The following HIRA variants were observed in gnomAD, a reference collection of about 807,000 sequenced individuals.
HIRA encodes the protein histone cell cycle regulator.
In HIRA, 13 loss-of-function variants were observed where a neutral mutation model predicts 126.6. The observed-to-expected ratio is 0.10, with a 90% CI of 0.07 to 0.16. The LOEUF (loss-of-function observed/expected upper bound fraction) is 0.16, where lower values mean the gene tolerates loss of function less well. Ranked by LOEUF, HIRA falls within the 10% of genes least tolerant of loss-of-function variation. The pLI is 1.00. For missense variants in HIRA, 834 were observed against 1,314.4 expected, an observed-to-expected ratio of 0.63 and a Z score of 5.65; for synonymous variants, 511 against 520.0, an observed-to-expected ratio of 0.98 and a Z score of 0.24.
At chr22:19,389,515 G>C (rs1270717773) in intron 9 of HIRA, among the ~76,000 whole-genome samples, 1 of 152,178 alleles carries the variant, frequency 6.6e-6, no homozygotes, top group African/African-American at 2.4e-5. Context: ...CTGCTATGTG[G>C]GGAAGGAGAA....
intron 24 of HIRA, among the ~76,000 whole-genome samples, chr22:19,339,596 AC>A (rs545992086): frequency 3.6e-4 from 54 of 151,630 alleles, no homozygotes; most frequent in Non-Finnish European, 6.0e-4. Flanking sequence ...GAGATGCACC[AC>A]TGCACTCCAG....
At chr22:19,402,585 G>C (rs753119288) in intron 5 of HIRA, among the ~76,000 whole-genome samples, 1 of 152,136 alleles carries the variant, frequency 6.6e-6, no homozygotes, top group Non-Finnish European at 1.5e-5. Flanking sequence ...TGTTCCAAGA[G>C]CTTTATCCCC....
At chr22:19,402,631 C>T (rs1168163695) in intron 5 of HIRA, among the ~76,000 whole-genome samples, 1 of 152,200 alleles carries the variant, frequency 6.6e-6, no homozygotes, top group East Asian at 1.9e-4. Flanking sequence ...ATGTCACCTT[C>T]ATTTCCTTTT....
intron 1 of HIRA, among the ~76,000 whole-genome samples, chr22:19,412,827 T>C (rs1043392206): frequency 2.1e-4 from 32 of 152,196 alleles, no homozygotes; most frequent in Non-Finnish European, 4.0e-4. Flanking sequence ...AGTCTCTGTT[T>C]GCAGATTTCT....
At chr22:19,402,554 A>T (rs547299685) in intron 5 of HIRA, among the ~76,000 whole-genome samples, 1 of 152,356 alleles carries the variant, frequency 6.6e-6, no homozygotes, top group African/African-American at 2.4e-5. Context: ...ATTAGTTCTA[A>T]GTATTTTTCA....
At chr22:19,384,874 G>T (rs1271795471) in intron 12 of HIRA, among the ~76,000 whole-genome samples, 2 of 151,578 alleles carry the variant, frequency 1.3e-5, no homozygotes, top group Non-Finnish European at 2.9e-5. Context: ...AGGCTGGTCG[G>T]AACTCCTGAC....
At chr22:19,353,554 G>A in intron 22 of HIRA, 35 bp from the exon 23 acceptor site, 9 of 1,563,160 alleles carry the variant, frequency 5.8e-6, no homozygotes, top group Non-Finnish European at 7.8e-6. Flanking sequence ...TGATGGGGCA[G>A]CAGGCACTAC....
chr22:19,405,817 C>G lies in HIRA; in HGVS notation c.366G>C (p.Arg122=). 2.7e-6 allele frequency: 4 copies of G among 1,499,936 alleles called. No homozygotes were observed. The highest frequency in any genetic ancestry group is 3.6e-6 in the Non-Finnish European group (4 of 1,117,786). 92.9% of individuals were successfully genotyped at this position (1,499,936 alleles called of 1,614,324 possible). The change falls in exon 5 of 25, where the codon CGG becomes CGC. Residue 122 remains arginine, a synonymous_variant. Transcript: ENST00000263208. ...AATGATTCCGGAGGATAGAGACACA[C>G]CGCCACTGCTCCACATTGGCAAGCT... The part of the protein sequence containing the change: ...SGKLANVEQW[R]CVSILRNHSG...
At chr22:19,386,709 G>A (rs1048830172) in intron 11 of HIRA, among the ~76,000 whole-genome samples, 2 of 152,206 alleles carry the variant, frequency 1.3e-5, no homozygotes, top group African/African-American at 4.8e-5. Context: ...CTTGGGAAAT[G>A]GTAAGCAGAT....
intron 24 of HIRA, among the ~76,000 whole-genome samples, chr22:19,344,574 C>T (rs533014715): frequency 6.6e-6 from 1 of 152,306 alleles, no homozygotes; most frequent in East Asian, 1.9e-4. Flanking sequence ...TTCTACCAAA[C>T]ACTTAGAGAA....
intron 9 of HIRA, among the ~76,000 whole-genome samples, chr22:19,390,242 T>C (rs561203782): frequency 1.3e-5 from 2 of 152,140 alleles, no homozygotes; most frequent in South Asian, 4.2e-4. Flanking sequence ...GTATATCTGC[T>C]GAGAACCTGC....
intron 15 of HIRA, 23 bp downstream of exon 15, chr22:19,375,608 A>T (rs766866794): frequency 6.2e-7 from 1 of 1,611,904 alleles, no homozygotes; most frequent in South Asian, 1.1e-5. Context: ...CTGGTCCTTC[A>T]GGGTCCTGCA....
chr22:19,343,053 G>T (rs1376550194), intron 24 of HIRA, among the ~76,000 whole-genome samples: 1 of 152,178 alleles, frequency 6.6e-6, no homozygotes, highest in Non-Finnish European at 1.5e-5. Context: ...CTATGAGGAT[G>T]CAAAGGTATA....
chr22:19,393,318 A>G (rs1382317135), intron 8 of HIRA, among the ~76,000 whole-genome samples: 1 of 152,136 alleles, frequency 6.6e-6, no homozygotes, highest in Non-Finnish European at 1.5e-5. Flanking sequence ...ATTCATATAA[A>G]ATTTGTGTTT....
intron 5 of HIRA, among the ~76,000 whole-genome samples, chr22:19,402,035 G>C (rs946401939): frequency 6.6e-6 from 1 of 152,190 alleles, no homozygotes. Flanking sequence ...CAAGGCCTTC[G>C]CACTGGCTGT....
chr22:19,339,870 C>G (rs184746051), intron 24 of HIRA, among the ~76,000 whole-genome samples: 39 of 152,168 alleles, frequency 2.6e-4, no homozygotes, highest in African/African-American at 9.2e-4. Context: ...AAGACTGAAA[C>G]AGTAATTTAA....
intron 12 of HIRA, among the ~76,000 whole-genome samples, chr22:19,384,268 G>A (rs1332384315): frequency 7.2e-6 from 1 of 139,396 alleles, no homozygotes; most frequent in African/African-American, 2.6e-5. Context: ...AGGTTGCAGT[G>A]AGCCAAGATT....
At chr22:19,371,646 A>C (rs1309300926) in intron 15 of HIRA, among the ~76,000 whole-genome samples, 2 of 152,012 alleles carry the variant, frequency 1.3e-5, no homozygotes, top group African/African-American at 4.8e-5. Flanking sequence ...CCTCCCTCAG[A>C]CCCTGGCAAC....
At chr22:19,343,810 C>T (rs2088657472) in intron 24 of HIRA, among the ~76,000 whole-genome samples, 1 of 151,372 alleles carries the variant, frequency 6.6e-6, no homozygotes, top group Non-Finnish European at 1.5e-5. Flanking sequence ...GCCTGTAATC[C>T]CAGCTACTCG....
Sources: gnomAD v4.1 joint callset for allele counts (sites outside exome capture counted in the v4.1 genomes callset) on GRCh38, gnomAD v4.1.1 for gene constraint, MANE v1.5 for transcripts, NCBI Gene and HGNC (gene_info 2026-07-23, HGNC 2026-07-21) for gene names.